Variants in TG observed in about 807,000 individuals in gnomAD.
The protein encoded by TG is thyroid hormones.
Under a neutral mutation model 324.7 loss-of-function variants are expected in TG, and 270 were observed. The observed-to-expected ratio is 0.83, with a 90% CI of 0.75 to 0.92. The LOEUF is 0.92. TG is among the 40% of genes least tolerant of loss of function. The pLI, the probability that TG is intolerant of heterozygous loss-of-function variation, is 0.00. For synonymous variants in TG, 1,401 were observed against 1,327.0 expected, an observed-to-expected ratio of 1.06 and a Z score of -1.21; for missense variants, 3,591 against 3,456.4, an observed-to-expected ratio of 1.04 and a Z score of -0.98.
intron 41 of TG, among the ~76,000 whole-genome samples, chr8:133,078,451 C>G (rs73708833): frequency 0.028 from 4,316 of 152,320 alleles, 183 homozygotes; most frequent in African/African-American, 0.097. Context: ...AACCATTCCT[C>G]TCTCAACCAT....
At chr8:132,948,043 T>C (rs4736613) in intron 26 of TG, among the ~76,000 whole-genome samples, 41,808 of 152,084 alleles carry the variant, frequency 0.27, 7,099 homozygotes, top group African/African-American at 0.47. Context: ...TAGTTACAGA[T>C]TTCTCTCCAC....
At chr8:132,882,651 A>T in intron 7 of TG, 39 bp downstream of exon 7, 1 of 1,614,166 alleles carries the variant, frequency 6.2e-7, no homozygotes, top group Non-Finnish European at 8.5e-7. Flanking sequence ...TGTTTCCATT[A>T]GGGGGACGCC....
chr8:133,047,007 GTTATTA>G (rs1347810375), intron 41 of TG: 2 of 152,174 alleles, frequency 1.3e-5, no homozygotes, highest in East Asian at 3.9e-4. Context: ...TTTTAAAAAA[GTTATTA>G]TTATTATTCA....
At chr8:133,045,021 G>A (rs1434170686) in intron 41 of TG, 4 of 1,614,158 alleles carry the variant, frequency 2.5e-6, no homozygotes, top group East Asian at 2.2e-5. Flanking sequence ...GGCACTGGAA[G>A]GTGAGCCTCG....
chr8:133,057,218 A>G (rs1351252611), intron 41 of TG, among the ~76,000 whole-genome samples: 6 of 152,116 alleles, frequency 3.9e-5, no homozygotes, highest in Admixed American at 3.9e-4. Flanking sequence ...GAGAAGGAAC[A>G]AAGAGGGGAA....
Position 132,960,213 on chromosome 8 carries a change from A to T in TG, c.5402-795A>T, listed in dbSNP as rs1827542214. ...GAACTTAAAGTAAAATAAAATAAAA[A>T]TTTAAATAAAGGTATAAAAAGACTA... is the stretch of plus-strand genomic sequence containing the variant. On this transcript the variant is annotated intron_variant, in intron 27 of 47. Transcript: ENST00000220616. Among the ~76,000 whole-genome samples the T allele has an allele frequency of 2.0e-5, 3 of 152,350 alleles. No individual in the cohort carries two copies. The South Asian group carries it at 6.2e-4, about 32-fold the overall frequency.
At chr8:132,914,045 G>A (rs1819931389) in intron 20 of TG, among the ~76,000 whole-genome samples, 1 of 152,060 alleles carries the variant, frequency 6.6e-6, no homozygotes, top group Non-Finnish European at 1.5e-5. Flanking sequence ...CTCTTCCCTG[G>A]TCACATCTCC....
At chr8:133,119,838 G>A (rs1316294998) in intron 45 of TG, among the ~76,000 whole-genome samples, 2 of 152,162 alleles carry the variant, frequency 1.3e-5, no homozygotes, top group Non-Finnish European at 2.9e-5. Context: ...ACTCTAACAC[G>A]CGGTCTCTCT....
At chr8:133,104,824 T>C (rs1026992078) in intron 43 of TG, among the ~76,000 whole-genome samples, 11 of 152,166 alleles carry the variant, frequency 7.2e-5, no homozygotes, top group African/African-American at 2.4e-4. Flanking sequence ...CTGTCTCCAC[T>C]GAATGATGCT....
chr8:133,041,125 C>T (rs991405812), intron 41 of TG, among the ~76,000 whole-genome samples: 3 of 152,204 alleles, frequency 2.0e-5, no homozygotes, highest in Non-Finnish European at 4.4e-5. Flanking sequence ...AACCCCAGTG[C>T]TTCTCCTGTG....
At position 132,906,702 on chromosome 8, in the gene TG, C is replaced by T; in HGVS notation, c.3649C>T (p.Leu1217=). 1 of 1,614,170 alleles carries T rather than the reference C, an allele frequency of 6.2e-7. No homozygotes were observed. The highest frequency in any genetic ancestry group is 2.2e-5 in the East Asian group (1 of 44,868). ...CCTTCTCCCAGGCCCGCGGTGTCCGCTGCCATTCAACGCGTCGGAGGTGGT... is the reference window on the plus strand; with the variant it reads ...CCTTCTCCCAGGCCCGCGGTGTCCGTTGCCATTCAACGCGTCGGAGGTGGT... The part of the protein sequence containing the change: ...QPACESPRCP[L]PFNASEVVGG... The change falls in exon 17 of 48, where the codon CTG becomes TTG. Residue 1217 remains leucine, a synonymous_variant. Coordinates refer to ENST00000220616, the MANE Select transcript of TG (RefSeq NM_003235.5).
chr8:133,080,978 C>T (rs1171454915), intron 41 of TG, among the ~76,000 whole-genome samples: 3 of 152,220 alleles, frequency 2.0e-5, no homozygotes, highest in African/African-American at 4.8e-5. Flanking sequence ...GGACACATTG[C>T]GTATTGGAGT....
chr8:133,041,333 G>A (rs1838192825), intron 41 of TG, among the ~76,000 whole-genome samples: 1 of 152,248 alleles, frequency 6.6e-6, no homozygotes, highest in Non-Finnish European at 1.5e-5. Context: ...ATTTGTAGCA[G>A]AAGAAGCACA....
intron 20 of TG, among the ~76,000 whole-genome samples, chr8:132,917,388 ATGTGTG>A (rs34975986): frequency 4.7e-5 from 7 of 149,890 alleles, no homozygotes; most frequent in African/African-American, 7.4e-5. Context: ...GTGCATGTAT[ATGTGTG>A]TGTGTGTGTG....
At chr8:133,078,407 C>G (rs776059204) in intron 41 of TG, among the ~76,000 whole-genome samples, 1 of 152,174 alleles carries the variant, frequency 6.6e-6, no homozygotes, top group Admixed American at 6.5e-5. Flanking sequence ...ATTGTGAGTT[C>G]GCTTCCATGT....
intron 23 of TG, among the ~76,000 whole-genome samples, chr8:132,931,528 C>T (rs559241655): frequency 6.6e-6 from 1 of 152,222 alleles, no homozygotes; most frequent in Admixed American, 6.5e-5. Context: ...AACTAAGTAG[C>T]ATGATCAGGA....
chr8:133,095,243 C>A, intron 42 of TG, 35 bp downstream of exon 42: 2 of 1,614,060 alleles, frequency 1.2e-6, no homozygotes, highest in Non-Finnish European at 1.7e-6. Context: ...AAGGGACATT[C>A]TCTGGTCTTT....
At position 132,882,571 on chromosome 8, in the gene TG, G is replaced by A. The variant is rs146926250; in HGVS notation, c.848G>A (p.Arg283Gln). ...ETTLYRILQRRFLAVQSVISG... is the reference protein window; with the variant it reads ...ETTLYRILQRQFLAVQSVISG... ...ACCCTGTACCGGATACTGCAGAGAC[G>A]GTTCCTCGCAGTTCAATCAGTCATC... The change falls in exon 7 of 48, where the codon CGG becomes CAG. Residue 283 changes from arginine to glutamine, a missense_variant. Physicochemically the swap from Arg to Gln is conservative, Grantham distance 43. Transcript: ENST00000220616. 1.4e-3 allele frequency: 2,320 copies of A among 1,614,082 alleles called. 2 individuals carry two copies. The highest frequency in any genetic ancestry group is 1.9e-3 in the Non-Finnish European group (2,218 of 1,180,038).
intron 43 of TG, among the ~76,000 whole-genome samples, chr8:133,100,785 G>A (rs902807502): frequency 3.0e-4 from 45 of 152,068 alleles, no homozygotes; most frequent in Non-Finnish European, 6.0e-4. Flanking sequence ...TGTGCAAAGG[G>A]CTTTCCAATT....
Sources: gnomAD v4.1 joint callset for allele counts (sites outside exome capture counted in the v4.1 genomes callset) on GRCh38, gnomAD v4.1.1 for gene constraint, MANE v1.5 for transcripts, NCBI Gene and HGNC (gene_info 2026-07-23, HGNC 2026-07-21) for gene names.